The following FAIM variants were observed in gnomAD, a reference collection of about 807,000 sequenced individuals.
FAIM encodes Fas apoptotic inhibitory molecule.
FAIM carries 14 observed loss-of-function variants against 21.2 expected under a neutral mutation model. The ratio of observed to expected loss-of-function variants is 0.66; its 90% CI spans 0.44 to 1.03. FAIM has a LOEUF of 1.03. Ranked by LOEUF, FAIM falls within the 50% of genes least tolerant of loss-of-function variation. FAIM has a pLI of 0.00. For synonymous variants in FAIM, 86 were observed against 80.4 expected, an observed-to-expected ratio of 1.07 and a Z score of -0.37; for missense variants, 222 against 247.1, an observed-to-expected ratio of 0.90 and a Z score of 0.68.
At chr3:138,614,896 A>G (rs545561392) in intron 1 of FAIM, among the ~76,000 whole-genome samples, 18 of 152,240 alleles carry the variant, frequency 1.2e-4, no homozygotes, top group African/African-American at 4.1e-4. Flanking sequence ...AGCATTGAAT[A>G]TACCATTGCA....
At chr3:138,621,259 T>C in intron 2 of FAIM, 148 bp from the exon 3 acceptor site, 1 of 743,212 alleles carries the variant, frequency 1.3e-6, no homozygotes, top group Non-Finnish European at 2.2e-6. Context: ...AATAGTTACA[T>C]GTACTGTGAG....
chr3:138,621,779 A>T (rs554163744), intron 3 of FAIM, among the ~76,000 whole-genome samples: 11 of 152,128 alleles, frequency 7.2e-5, no homozygotes, highest in Admixed American at 2.0e-4. Flanking sequence ...ATAAAATTAC[A>T]TCTTTTTTTT....
intron 1 of FAIM, among the ~76,000 whole-genome samples, chr3:138,613,647 C>G (rs2042795223): frequency 6.6e-6 from 1 of 151,960 alleles, no homozygotes; most frequent in African/African-American, 2.4e-5. Flanking sequence ...CCATGCCTGG[C>G]TAGTTTTTAA....
At chr3:138,623,040 A>G (rs2042904699) in intron 4 of FAIM, among the ~76,000 whole-genome samples, 1 of 151,032 alleles carries the variant, frequency 6.6e-6, no homozygotes, top group South Asian at 2.1e-4. Context: ...TCCATCTCAA[A>G]AAAAAAAAAA....
At chr3:138,627,338 C>T (rs536171375) in intron 4 of FAIM, among the ~76,000 whole-genome samples, 35 of 152,038 alleles carry the variant, frequency 2.3e-4, no homozygotes, top group African/African-American at 3.6e-4. Flanking sequence ...CCCGCCACTA[C>T]GTCCAGCTAA....
chr3:138,615,596 T>C, intron 1 of FAIM, among the ~76,000 whole-genome samples: 1 of 152,226 alleles, frequency 6.6e-6, no homozygotes, highest in East Asian at 1.9e-4. Context: ...TTCAGACCTC[T>C]AACCTAAATC....
chr3:138,632,711 A>G (rs1349497341), intron 5 of FAIM, among the ~76,000 whole-genome samples: 5 of 152,354 alleles, frequency 3.3e-5, no homozygotes, highest in African/African-American at 9.6e-5. Context: ...CAAGAATTTA[A>G]GATTCTTAAG....
intron 1 of FAIM, chr3:138,610,707 G>A (rs935968843): frequency 6.6e-6 from 2 of 303,926 alleles, no homozygotes; most frequent in African/African-American, 2.2e-5. Context: ...CTCAGCCTCC[G>A]GAGTAGCTGG....
At chr3:138,614,025 A>G (rs1426410640) in intron 1 of FAIM, among the ~76,000 whole-genome samples, 1 of 152,236 alleles carries the variant, frequency 6.6e-6, no homozygotes, top group Admixed American at 6.5e-5. Flanking sequence ...AGTTTTCCCC[A>G]TAACATCTGT....
At chr3:138,609,562 CT>C (rs1338024526) in intron 1 of FAIM, among the ~76,000 whole-genome samples, 1 of 92,994 alleles carries the variant, frequency 1.1e-5, no homozygotes, top group Non-Finnish European at 2.1e-5. Flanking sequence ...CTCTCTCTCT[CT>C]CTCTCTCTCT....
In FAIM at chr3:138,622,804, T is replaced by A. The variant is rs534581839; in HGVS notation, c.406+388T>A. Among the ~76,000 whole-genome samples, 3 of 152,206 alleles carry A rather than the reference T, an allele frequency of 2.0e-5. No homozygotes were observed. In the East Asian group the frequency reaches 5.8e-4, roughly 29 times the overall value. On this transcript the variant is annotated intron_variant, in intron 4 of 5. Coordinates refer to ENST00000360570, the MANE Select transcript of FAIM (RefSeq NM_001033031.2). Reference sequence around the variant, plus strand: ...TTGTAATCCCAGCACTTTGGTAGGCTGAGGCGGGTGGATCACCTGAGGTCA... The same window carrying A: ...TTGTAATCCCAGCACTTTGGTAGGCAGAGGCGGGTGGATCACCTGAGGTCA...
chr3:138,624,939 G>A, intron 4 of FAIM, among the ~76,000 whole-genome samples: 1 of 152,194 alleles, frequency 6.6e-6, no homozygotes, highest in East Asian at 1.9e-4. Flanking sequence ...GCTGAAGTGG[G>A]AGGATCGCTT....
At chr3:138,621,384 A>G (rs1197841655) in intron 2 of FAIM, 23 bp from the exon 3 acceptor site, 2 of 1,611,240 alleles carry the variant, frequency 1.2e-6, no homozygotes, top group East Asian at 2.2e-5. Context: ...GCCTACTATA[A>G]TTGCTTTATT....
At chr3:138,621,663 C>T in intron 3 of FAIM, 124 bp downstream of exon 3, 1 of 783,010 alleles carries the variant, frequency 1.3e-6, no homozygotes, top group Non-Finnish European at 2.0e-6. Flanking sequence ...TGATCTGTAT[C>T]ATTTTGCTGT....
At chr3:138,631,761 C>T (rs1247847632) in intron 5 of FAIM, among the ~76,000 whole-genome samples, 1 of 152,160 alleles carries the variant, frequency 6.6e-6, no homozygotes, top group South Asian at 2.1e-4. Flanking sequence ...CTAACCCTTG[C>T]CCTTTCTTCC....
chr3:138,624,941 G>A (rs1303436435), intron 4 of FAIM, among the ~76,000 whole-genome samples: 1 of 152,152 alleles, frequency 6.6e-6, no homozygotes, highest in Non-Finnish European at 1.5e-5. Flanking sequence ...TGAAGTGGGA[G>A]GATCGCTTGA....
chr3:138,632,453 G>GT (rs2043015994), intron 5 of FAIM, among the ~76,000 whole-genome samples: 1 of 151,996 alleles, frequency 6.6e-6, no homozygotes, highest in South Asian at 2.1e-4. Flanking sequence ...ATTTAGTGGT[G>GT]TTTGGTTTTG....
chr3:138,618,184 T>TGAG (rs2042848504), intron 1 of FAIM, among the ~76,000 whole-genome samples: 1 of 151,840 alleles, frequency 6.6e-6, no homozygotes, highest in Non-Finnish European at 1.5e-5. Context: ...TTGTTTTTAT[T>TGAG]GTTGTAGGAT....
intron 1 of FAIM, among the ~76,000 whole-genome samples, chr3:138,611,562 T>C (rs1451658052): frequency 6.6e-6 from 1 of 152,194 alleles, no homozygotes; most frequent in Non-Finnish European, 1.5e-5. Context: ...GTTTGGATAT[T>C]TGTACTTACC....
Sources: allele counts gnomAD v4.1 joint callset (sites outside exome capture counted in the v4.1 genomes callset), GRCh38; gene constraint gnomAD v4.1.1; transcripts MANE v1.5; gene names NCBI Gene and HGNC (gene_info 2026-07-23, HGNC 2026-07-21).